The following OSBPL9 variants were observed in gnomAD, a reference collection of about 807,000 sequenced individuals.
The protein encoded by OSBPL9 is oxysterol-binding protein-related protein 9.
Under a neutral mutation model 106.6 loss-of-function variants are expected in OSBPL9, and 40 were observed. The observed-to-expected ratio is 0.38, with a 90% CI of 0.29 to 0.49. The LOEUF (loss-of-function observed/expected upper bound fraction) is 0.49. Ranked by LOEUF, OSBPL9 falls within the 20% of genes least tolerant of loss-of-function variation. The probability of loss-of-function intolerance (pLI) is 0.97; values close to 1 mark genes in which losing one functional copy is unlikely to be tolerated. For missense variants in OSBPL9, 609 were observed against 887.2 expected, an observed-to-expected ratio of 0.69 and a Z score of 3.98; for synonymous variants, 269 against 295.4, an observed-to-expected ratio of 0.91 and a Z score of 0.92.
chr1:51,750,426 T>C (rs1668992096), intron 8 of OSBPL9, among the ~76,000 whole-genome samples: 1 of 152,206 alleles, frequency 6.6e-6, no homozygotes, highest in Non-Finnish European at 1.5e-5. Context: ...TTTGAATGAC[T>C]CATCCCTTCC....
chr1:51,689,415 A>G (rs1365604937), intron 3 of OSBPL9, among the ~76,000 whole-genome samples: 1 of 151,826 alleles, frequency 6.6e-6, no homozygotes, highest in Non-Finnish European at 1.5e-5. Flanking sequence ...GATGTGTAAT[A>G]TTCTTCCTTT....
chr1:51,694,674 A>C (rs780735242), intron 3 of OSBPL9, among the ~76,000 whole-genome samples: 19 of 152,214 alleles, frequency 1.2e-4, no homozygotes, highest in South Asian at 2.1e-4. Context: ...TTTGAAAATC[A>C]AATCGGTTTA....
chr1:51,778,484 T>C (rs760330147), intron 15 of OSBPL9, among the ~76,000 whole-genome samples: 54 of 152,228 alleles, frequency 3.5e-4, no homozygotes, highest in Non-Finnish European at 6.0e-4. Context: ...CTGGTGTATC[T>C]GTATAAGTAT....
the OSBPL9 span, among the ~76,000 whole-genome samples, chr1:51,564,017 T>C: frequency 8.4e-6 from 1 of 118,426 alleles, no homozygotes; most frequent in African/African-American, 3.3e-5. Context: ...ATCATGCCAT[T>C]GCACTCTAGC....
At chr1:51,658,659 A>G (rs1399079436) in intron 2 of OSBPL9, among the ~76,000 whole-genome samples, 3 of 152,090 alleles carry the variant, frequency 2.0e-5, no homozygotes, top group Non-Finnish European at 4.4e-5. Flanking sequence ...TTAGTCTACC[A>G]CAAGAGAGGT....
intron 1 of OSBPL9, among the ~76,000 whole-genome samples, chr1:51,635,251 G>GTT (rs1463512928): frequency 6.6e-6 from 1 of 151,994 alleles, no homozygotes; most frequent in Non-Finnish European, 1.5e-5. Context: ...GAGCCCAGAA[G>GTT]TTTGAGTTCA....
intron 2 of OSBPL9, among the ~76,000 whole-genome samples, chr1:51,666,100 G>A (rs1259472104): frequency 6.6e-6 from 1 of 152,082 alleles, no homozygotes; most frequent in Non-Finnish European, 1.5e-5. Flanking sequence ...CGCCCGCCTC[G>A]GCCTCCCAAA....
Position 51,772,100 on chromosome 1 carries a change from C to T in OSBPL9, c.969C>T (p.His323=), listed in dbSNP as rs149951799. 1,049 of 1,614,020 alleles carry T rather than the reference C, an allele frequency of 6.5e-4. 4 individuals are homozygous for T. In the Middle Eastern group the frequency reaches 0.012, roughly 18 times the overall value. The change falls in exon 13 of 24, where the codon CAC becomes CAT. Residue 323 remains histidine, a synonymous_variant. Coordinates refer to ENST00000428468, the MANE Select transcript of OSBPL9 (RefSeq NM_024586.6). Reference sequence around the variant, plus strand: ...CTGGATCTGCCTCAGTCCTGACACACAGCAGCTCGGGAAATAGTCTAAAAC... The same window carrying T: ...CTGGATCTGCCTCAGTCCTGACACATAGCAGCTCGGGAAATAGTCTAAAAC... The part of the protein sequence containing the change: ...DSSGSASVLT[H]SSSGNSLKRP...
intron 8 of OSBPL9, among the ~76,000 whole-genome samples, chr1:51,752,970 C>T (rs972385343): frequency 7.2e-5 from 11 of 152,150 alleles, no homozygotes; most frequent in Non-Finnish European, 1.6e-4. Context: ...TCAGTGCCTA[C>T]AGTTGCTTAC....
intron 2 of OSBPL9, among the ~76,000 whole-genome samples, chr1:51,668,798 T>C (rs1394626649): frequency 6.6e-6 from 1 of 152,186 alleles, no homozygotes; most frequent in Non-Finnish European, 1.5e-5. Flanking sequence ...AGTATGTACT[T>C]AAGTGCCATG....
At chr1:51,677,072 C>T (rs555883893) in intron 3 of OSBPL9, among the ~76,000 whole-genome samples, 1 of 152,296 alleles carries the variant, frequency 6.6e-6, no homozygotes, top group East Asian at 1.9e-4. Flanking sequence ...AGCCAAGATT[C>T]GTGCACATGT....
intron 2 of OSBPL9, among the ~76,000 whole-genome samples, chr1:51,609,079 C>A (rs1643968092): frequency 6.6e-6 from 1 of 152,048 alleles, no homozygotes; most frequent in Admixed American, 6.6e-5. Flanking sequence ...TGACCTAATT[C>A]ATATAGAAAT....
At position 51,769,449 on chromosome 1, in the gene OSBPL9, C is replaced by G. The variant is rs138197696; in HGVS notation, c.939-2621C>G. On this transcript the variant is annotated intron_variant, in intron 12 of 23. Coordinates refer to ENST00000428468, the MANE Select transcript of OSBPL9 (RefSeq NM_024586.6). ...CCACTACTCACCAGCTGTATGACTT[C>G]AGACCAGTCATTGAACCTCCGAGCG... Among the ~76,000 whole-genome samples, 539 of 152,298 alleles carry G rather than the reference C, an allele frequency of 3.5e-3. 4 individuals carry two copies. Among genetic ancestry groups the G allele is most frequent in the African/African-American group, 0.012 (493 of 41,566 alleles).
chr1:51,579,276 A>G (rs972124358), intron 1 of OSBPL9, among the ~76,000 whole-genome samples: 1 of 152,168 alleles, frequency 6.6e-6, no homozygotes, highest in African/African-American at 2.4e-5. Context: ...GAAGTGATCA[A>G]TAAATACTAC....
chr1:51,776,780 GTT>G, intron 14 of OSBPL9, 51 bp from the exon 15 acceptor site: 1 of 1,079,060 alleles, frequency 9.3e-7, no homozygotes, highest in South Asian at 1.4e-5. Flanking sequence ...TTTTTAGTCT[GTT>G]TATCTGAAGA....
intron 3 of OSBPL9, among the ~76,000 whole-genome samples, chr1:51,698,666 T>C (rs1314748239): frequency 6.6e-6 from 1 of 152,224 alleles, no homozygotes; most frequent in African/African-American, 2.4e-5. Context: ...AAGCTGAATG[T>C]ACAAATAACA....
intron 4 of OSBPL9, among the ~76,000 whole-genome samples, chr1:51,717,182 G>A (rs1415846994): frequency 6.6e-6 from 1 of 152,070 alleles, no homozygotes; most frequent in East Asian, 1.9e-4. Context: ...GGCCAGGCTG[G>A]TCTCGAACTC....
the OSBPL9 span, among the ~76,000 whole-genome samples, chr1:51,554,123 T>C: frequency 6.6e-6 from 1 of 152,242 alleles, no homozygotes; most frequent in African/African-American, 2.4e-5. Flanking sequence ...ACCACTGCAC[T>C]CTGTGCAGAC....
At chr1:51,642,375 C>T (rs891302070) in intron 1 of OSBPL9, among the ~76,000 whole-genome samples, 1 of 152,130 alleles carries the variant, frequency 6.6e-6, no homozygotes, top group Admixed American at 6.5e-5. Context: ...AAGTACTTGG[C>T]AGGCTCTTAA....
Sources: allele counts gnomAD v4.1 joint callset (sites outside exome capture counted in the v4.1 genomes callset), GRCh38; gene constraint gnomAD v4.1.1; transcripts MANE v1.5; gene names NCBI Gene and HGNC (gene_info 2026-07-23, HGNC 2026-07-21).